Variants in SMC1B observed in about 807,000 individuals in gnomAD.
The protein encoded by SMC1B is structural maintenance of chromosomes 1B.
In SMC1B, 60 loss-of-function variants were observed where a neutral mutation model predicts 157.9. The observed-to-expected ratio is 0.38, with a 90% confidence interval of 0.31 to 0.47. The LOEUF is 0.47. Ranked by LOEUF, SMC1B falls within the 20% of genes least tolerant of loss-of-function variation. The pLI is 0.99. For synonymous variants in SMC1B, 445 were observed against 483.0 expected (o/e 0.92, Z 1.03); for missense variants, 1,165 against 1,426.2 (o/e 0.82, Z 2.95).
chr22:45,345,629 G>T, intron 23 of SMC1B, 60 bp from the exon 24 acceptor site: 2 of 1,033,490 alleles, frequency 1.9e-6, no homozygotes, highest in Non-Finnish European at 1.5e-6. Context: ...GGGCTCTGGA[G>T]ACAGTAATTC....
At chr22:45,383,391 A>G in intron 12 of SMC1B, 76 bp downstream of exon 12, 1 of 1,080,640 alleles carries the variant, frequency 9.3e-7, no homozygotes, top group Non-Finnish European at 1.3e-6. Context: ...TGGCACTGTT[A>G]TTATAAAAAA....
At chr22:45,358,862 G>T in intron 18 of SMC1B, 67 bp from the exon 19 acceptor site, 1 of 1,045,482 alleles carries the variant, frequency 9.6e-7, no homozygotes, top group Non-Finnish European at 1.5e-6. Flanking sequence ...GTGGTTCATG[G>T]CACTCCAAAA....
At chr22:45,410,490 G>A (rs551738852) in intron 1 of SMC1B, among the ~76,000 whole-genome samples, 14 of 152,098 alleles carry the variant, frequency 9.2e-5, no homozygotes, top group South Asian at 4.1e-4. Context: ...ATCACCCGAG[G>A]TCAGGGGTTC....
chr22:45,387,265 T>A (rs1490076809), intron 10 of SMC1B, among the ~76,000 whole-genome samples: 1 of 152,036 alleles, frequency 6.6e-6, no homozygotes, highest in Non-Finnish European at 1.5e-5. Context: ...CTGGCCAACA[T>A]GGTGAAACCC....
Position 45,398,985 on chromosome 22 carries a change from T to C in SMC1B, c.1113+110A>G, listed in dbSNP as rs1014524674. On this transcript the variant is annotated intron_variant, in intron 6 of 24. Transcript: ENST00000357450. Reference sequence around the variant, plus strand: ...AAATTTAAATCCCCACAATTTACATTGAGGATAATCTCTTAAAATATCAGA... The same window carrying C: ...AAATTTAAATCCCCACAATTTACATCGAGGATAATCTCTTAAAATATCAGA... 10 of 1,075,852 alleles carry C rather than the reference T, an allele frequency of 9.3e-6. No individual in the cohort carries two copies. The East Asian group carries it at 1.4e-4, about 15-fold the overall frequency. 66.6% of individuals were successfully genotyped at this position (1,075,852 alleles called of 1,614,324 possible).
At chr22:45,399,622 T>C (rs1287018469) in intron 5 of SMC1B, among the ~76,000 whole-genome samples, 1 of 152,100 alleles carries the variant, frequency 6.6e-6, no homozygotes, top group African/African-American at 2.4e-5. Flanking sequence ...GCACCAAGGA[T>C]GAACCTTAAT....
intron 4 of SMC1B, among the ~76,000 whole-genome samples, chr22:45,405,469 G>A (rs563323216): frequency 1.3e-5 from 2 of 151,908 alleles, no homozygotes; most frequent in East Asian, 1.9e-4. Flanking sequence ...GGAGAATGGC[G>A]TGAACCCAGG....
At chr22:45,355,835 C>T (rs1006426639) in intron 19 of SMC1B, among the ~76,000 whole-genome samples, 1 of 152,106 alleles carries the variant, frequency 6.6e-6, no homozygotes, top group African/African-American at 2.4e-5. Context: ...TTTGGGAGGC[C>T]AAAGCATGTG....
At chr22:45,385,649 T>C (rs994731445) in intron 11 of SMC1B, among the ~76,000 whole-genome samples, 9 of 152,164 alleles carry the variant, frequency 5.9e-5, no homozygotes, top group African/African-American at 2.2e-4. Context: ...CATATCTTCA[T>C]GTGACTTCTT....
intron 22 of SMC1B, among the ~76,000 whole-genome samples, chr22:45,350,442 T>TA (rs2086602020): frequency 6.6e-6 from 1 of 152,274 alleles, no homozygotes; most frequent in Non-Finnish European, 1.5e-5. Context: ...TATGCCCAGC[T>TA]AATTTTTGTA....
chr22:45,364,969 C>T (rs886759738), intron 15 of SMC1B, among the ~76,000 whole-genome samples: 21 of 151,898 alleles, frequency 1.4e-4, no homozygotes, highest in Admixed American at 3.3e-4. Flanking sequence ...TCCCAAGTAG[C>T]TGGGACTACA....
At chr22:45,352,659 T>G in intron 21 of SMC1B, 57 bp from the exon 22 acceptor site, 2 of 1,530,172 alleles carry the variant, frequency 1.3e-6, no homozygotes, top group Non-Finnish European at 1.8e-6. Flanking sequence ...AAAGTTCAAC[T>G]TGGAGTTTAA....
intron 20 of SMC1B, among the ~76,000 whole-genome samples, chr22:45,354,513 C>A (rs898557934): frequency 3.9e-5 from 6 of 152,204 alleles, no homozygotes; most frequent in African/African-American, 1.4e-4. Context: ...GCCTCAGCCT[C>A]CCGAGTAGCT....
At chr22:45,386,418 G>T (rs1050659094) in intron 11 of SMC1B, among the ~76,000 whole-genome samples, 1 of 151,710 alleles carries the variant, frequency 6.6e-6, no homozygotes, top group South Asian at 2.1e-4. Flanking sequence ...GTGTTTTCTA[G>T]AAATTCAAAT....
intron 10 of SMC1B, among the ~76,000 whole-genome samples, 193 bp downstream of exon 10, chr22:45,389,519 C>T (rs1038975740): frequency 2.0e-5 from 3 of 152,114 alleles, no homozygotes; most frequent in African/African-American, 7.2e-5. Context: ...GGTATGATGT[C>T]AAGAAAGAGA....
intron 12 of SMC1B, among the ~76,000 whole-genome samples, chr22:45,379,889 C>T (rs562106807): frequency 6.6e-6 from 1 of 151,778 alleles, no homozygotes; most frequent in African/African-American, 2.4e-5. Flanking sequence ...CAGGCCACCA[C>T]GCCCAGCTAA....
At chr22:45,411,650 G>A (rs1235945829) in intron 1 of SMC1B, among the ~76,000 whole-genome samples, 1 of 150,708 alleles carries the variant, frequency 6.6e-6, no homozygotes, top group African/African-American at 2.4e-5. Flanking sequence ...GCAGTGGCGT[G>A]ATGTCAGCTC....
At chr22:45,359,992 C>T (rs762268145) in intron 17 of SMC1B, 34 bp from the exon 18 acceptor site, 3 of 1,572,148 alleles carry the variant, frequency 1.9e-6, no homozygotes, top group Non-Finnish European at 2.6e-6. Flanking sequence ...AGTAATTTTA[C>T]TCATTATGTA....
intron 22 of SMC1B, among the ~76,000 whole-genome samples, chr22:45,350,371 G>A (rs1466481439): frequency 1.3e-5 from 2 of 152,178 alleles, no homozygotes; most frequent in African/African-American, 2.4e-5. Flanking sequence ...TCTGCCTCCC[G>A]GGTTCAAGTG....
Sources: gnomAD v4.1 joint callset for allele counts (sites outside exome capture counted in the v4.1 genomes callset) on GRCh38, gnomAD v4.1.1 for gene constraint, MANE v1.5 for transcripts, NCBI Gene and HGNC (gene_info 2026-07-23, HGNC 2026-07-21) for gene names.